Variants in DNAH2 observed in about 807,000 individuals in gnomAD.
DNAH2 encodes dynein axonemal heavy chain 2.
In DNAH2, 323 loss-of-function variants were observed where a neutral mutation model predicts 523.5. The ratio of observed to expected loss-of-function variants is 0.62; its 90% CI spans 0.56 to 0.68. The LOEUF (loss-of-function observed/expected upper bound fraction) is 0.68, where lower values mean the gene tolerates loss of function less well. Among genes scored for constraint, DNAH2 ranks in the 30% least tolerant of loss-of-function variants. DNAH2 has a pLI of 0.00. For synonymous variants in DNAH2, 2,093 were observed against 2,177.4 expected (o/e 0.96, Z 1.08); for missense variants, 4,907 against 5,701.5 (o/e 0.86, Z 4.49).
intron 55 of DNAH2, 76 bp from the exon 56 acceptor site, chr17:7,799,027 C>A (rs551601309): frequency 2.2e-5 from 34 of 1,563,912 alleles, no homozygotes; most frequent in Non-Finnish European, 2.9e-5. Flanking sequence ...ACTTCGTCAG[C>A]CCCACCTGAC....
Position 7,777,563 on chromosome 17 carries a change from C to T in DNAH2, c.5176C>T (p.Leu1726Phe). The T allele has an allele frequency of 6.2e-7, 1 of 1,614,208 alleles. No homozygotes were observed. The highest frequency in any genetic ancestry group is 8.5e-7 in the Non-Finnish European group (1 of 1,180,038). The change falls in exon 33 of 86, where the codon CTT (leucine) becomes TTT (phenylalanine). Residue 1726 changes from leucine to phenylalanine, a missense_variant. Leu to Phe is a conservative substitution (Grantham distance 22, BLOSUM62 0). Transcript: ENST00000572933. ...TCATGCCCGGGATGTGTTGGAGAAG[C>T]TTTACAAGAGTGGCCTCATGGATGT... ...EIHARDVLEK[L>F]YKSGLMDVNS...
chr17:7,810,214 C>G (rs899236090), intron 63 of DNAH2, among the ~76,000 whole-genome samples: 1 of 151,786 alleles, frequency 6.6e-6, no homozygotes, highest in African/African-American at 2.4e-5. Context: ...CAGGCACACT[C>G]CACTATTCCT....
Position 7,832,153 on chromosome 17 carries a change from T to C in DNAH2, c.12726+378T>C, listed in dbSNP as rs1247388765. Among the ~76,000 whole-genome samples, 2 of 152,198 alleles carry C rather than the reference T, an allele frequency of 1.3e-5. No individual in the cohort carries two copies. Among genetic ancestry groups the C allele is most frequent in the Admixed American group, 6.5e-5 (1 of 15,274 alleles). ...TTGGCTTTGGAGAGCTTTGTTCACC[T>C]GTAGTTGGGGAACAGGGGCTGCCAC... On this transcript the variant is annotated intron_variant, in intron 82 of 85. Coordinates refer to ENST00000572933, the MANE Select transcript of DNAH2 (RefSeq NM_020877.5). The surrounding 1 kb of genome is among the most constrained non-coding windows in gnomAD (Gnocchi z 4.3).
chr17:7,754,956 G>C lies in DNAH2; in HGVS notation c.1905-2135G>C. 1.1e-5 allele frequency: 4 copies of C among 377,050 alleles called. No homozygotes were observed. Among genetic ancestry groups the C allele is most frequent in the East Asian group, 8.3e-5 (2 of 24,002 alleles). 23.4% of individuals were successfully genotyped at this position (377,050 alleles called of 1,614,324 possible). A position where few individuals can be genotyped will look rare whatever the true frequency, so the allele number is the denominator to read the frequency against. ...CCTCCTGCGCTATTGGTACAAATAA[G>C]CCTGAGGCAGAAAAAAAAAAAAAAA... is the stretch of plus-strand genomic sequence containing the variant. On this transcript the variant is annotated intron_variant, in intron 12 of 85. Coordinates refer to ENST00000572933, the MANE Select transcript of DNAH2 (RefSeq NM_020877.5). The surrounding 1 kb of genome is among the most constrained non-coding windows in gnomAD (Gnocchi z 4.6).
At chr17:7,727,389 C>T (rs775149311) in intron 4 of DNAH2, 97 bp downstream of exon 4, 61 of 1,476,718 alleles carry the variant, frequency 4.1e-5, no homozygotes, top group African/African-American at 7.3e-5. Flanking sequence ...CTCCTGTGCC[C>T]ACGGCCTATT....
Position 7,752,160 on chromosome 17 carries a change from T to TACACACAC in DNAH2, c.1905-4903_1905-4896dup, listed in dbSNP as rs1555544463. On this transcript the variant is annotated intron_variant, in intron 12 of 85. Transcript: ENST00000572933. Reference sequence around the variant, plus strand: ...CCTGCCTTTTCCCCTTAAGTCATTTTACACACACACACACACACACACACA... The same window carrying TACACACAC: ...CCTGCCTTTTCCCCTTAAGTCATTTTACACACACACACACACACACACACACACACACA... Among the ~76,000 whole-genome samples, 566 of 125,020 alleles carry TACACACAC rather than the reference T, an allele frequency of 4.5e-3. 6 individuals are homozygous for TACACACAC. The highest frequency in any genetic ancestry group is 5.9e-3 in the Non-Finnish European group (362 of 61,430). The allele number at this position is 125,020 out of a possible 152,430, so 82.0% of individuals were successfully genotyped here. A position where few individuals can be genotyped will look rare whatever the true frequency, so the allele number is the denominator to read the frequency against.
intron 63 of DNAH2, among the ~76,000 whole-genome samples, chr17:7,811,297 G>A (rs1383100321): frequency 2.0e-5 from 3 of 152,084 alleles, no homozygotes; most frequent in Non-Finnish European, 4.4e-5. Flanking sequence ...AACCCCTAGG[G>A]AGAAATTAAA....
chr17:7,769,323 T>C (rs1237799315), intron 24 of DNAH2, among the ~76,000 whole-genome samples: 1 of 152,048 alleles, frequency 6.6e-6, no homozygotes, highest in Non-Finnish European at 1.5e-5. Context: ...CACCATGCTC[T>C]GCTAATTTTT....
In DNAH2 at chr17:7,760,124, T is replaced by C. The variant is rs1367340236; in HGVS notation, c.2785+186T>C. 1.3e-5 allele frequency among the ~76,000 whole-genome samples: 2 copies of C among 152,080 alleles called. No individual in the cohort carries two copies. The highest frequency in any genetic ancestry group is 2.9e-5 in the Non-Finnish European group (2 of 68,008). ...GGCTTGTGCCTGTAATCCCAGCACTTTGGGAGGCTGAGGCAGGCAGGTCAT... is the reference window on the plus strand; with the variant it reads ...GGCTTGTGCCTGTAATCCCAGCACTCTGGGAGGCTGAGGCAGGCAGGTCAT... On this transcript the variant is annotated intron_variant, in intron 17 of 85. Coordinates refer to ENST00000572933, the MANE Select transcript of DNAH2 (RefSeq NM_020877.5). The surrounding 1 kb of genome is among the most constrained non-coding windows in gnomAD (Gnocchi z 4.0).
chr17:7,794,180 C>A, intron 48 of DNAH2, 74 bp from the exon 49 acceptor site: 1 of 1,098,276 alleles, frequency 9.1e-7, no homozygotes. Context: ...CACTCCTTTT[C>A]ACCTGGCCTG....
At chr17:7,793,497 T>TC (rs1555562925) in intron 48 of DNAH2, among the ~76,000 whole-genome samples, 1 of 137,768 alleles carries the variant, frequency 7.3e-6, no homozygotes, top group Admixed American at 7.3e-5. Flanking sequence ...CTTTCTTTCT[T>TC]TCTTTCTTTC....
intron 67 of DNAH2, 44 bp from the exon 68 acceptor site, chr17:7,817,902 C>T (rs199846003): frequency 1.1e-5 from 18 of 1,614,006 alleles, no homozygotes; most frequent in Admixed American, 1.7e-5. Flanking sequence ...CCTGAGGCCC[C>T]ACCTCTCCCG....
chr17:7,779,673 C>T (rs757589673), intron 36 of DNAH2, among the ~76,000 whole-genome samples: 3 of 152,166 alleles, frequency 2.0e-5, no homozygotes, highest in Non-Finnish European at 4.4e-5. Flanking sequence ...TTTTAAGATA[C>T]TTAGCTTTCT....
chr17:7,802,277 A>G (rs1029647848), intron 58 of DNAH2, among the ~76,000 whole-genome samples: 1 of 152,236 alleles, frequency 6.6e-6, no homozygotes, highest in East Asian at 1.9e-4. Context: ...TGACCATAAT[A>G]TAACTGGAAC....
chr17:7,765,481 G>A lies in DNAH2; in HGVS notation c.3427G>A (p.Glu1143Lys), dbSNP rs1332432408. 1 of 1,614,120 alleles carries A rather than the reference G, an allele frequency of 6.2e-7. No individual in the cohort carries two copies. The highest frequency in any genetic ancestry group is 8.5e-7 in the Non-Finnish European group (1 of 1,180,054). The change falls in exon 21 of 86, where the codon GAG (glutamate) becomes AAG (lysine). Residue 1143 changes from glutamate (E) to lysine (K), a missense_variant. Glu to Lys is a moderately conservative substitution (Grantham distance 56). This residue lies in a region of DNAH2 where 2,806 missense variants were observed against 3,190.8 expected (regional missense o/e 0.88). Coordinates refer to ENST00000572933, the MANE Select transcript of DNAH2 (RefSeq NM_020877.5). Reference sequence around the variant, plus strand: ...TAAGCAAATGCTGAAGAAACACAAGGAGAAATTCAAGACAGGCCTGATCCA... The same window carrying A: ...TAAGCAAATGCTGAAGAAACACAAGAAGAAATTCAAGACAGGCCTGATCCA... ...DSKQMLKKHK[E>K]KFKTGLIHSA...
In DNAH2 at chr17:7,792,341, A is replaced by G. The variant is rs781699892; in HGVS notation, c.7143A>G (p.Pro2381=). 2 of 1,614,044 alleles carry G rather than the reference A, an allele frequency of 1.2e-6. No homozygotes were observed. The highest frequency in any genetic ancestry group is 2.2e-5 in the East Asian group (1 of 44,876). ...TCCCTAAGAGTTGGCGCTACCCTCCAAAGTAAGAGCTGGGCCTGGGTGTGA... is the reference window on the plus strand; with the variant it reads ...TCCCTAAGAGTTGGCGCTACCCTCCGAAGTAAGAGCTGGGCCTGGGTGTGA... ...DKLPKSWRYP[P]NAPFYKIMVP... The change falls in exon 46 of 86, where the codon CCA becomes CCG. Residue 2381 remains proline (P), a splice_region_variant and synonymous_variant. Coordinates refer to ENST00000572933, the MANE Select transcript of DNAH2 (RefSeq NM_020877.5).
At chr17:7,794,383 G>A (rs2077006957) in intron 49 of DNAH2, 25 bp downstream of exon 49, 11 of 1,586,466 alleles carry the variant, frequency 6.9e-6, no homozygotes, top group African/African-American at 1.4e-5. Flanking sequence ...GGGGCTGCAG[G>A]ACGAGGGGAG....
At position 7,738,868 on chromosome 17, in the gene DNAH2, G is replaced by T. The variant is rs2075220589; in HGVS notation, c.1171-865G>T. The T allele has an allele frequency of 4.4e-6, 3 of 681,518 alleles. No homozygotes were observed. The Admixed American group carries it at 6.1e-5, about 14-fold the overall frequency. The allele number at this position is 681,518 out of a possible 1,614,324, so 42.2% of individuals were successfully genotyped here. ...CCCTGAATGCAGGGCTCCTGGTCTA[G>T]GTTTGCATAGCCAGACTGCTCTTGC... On this transcript the variant is annotated intron_variant, in intron 8 of 85. Coordinates refer to ENST00000572933, the MANE Select transcript of DNAH2 (RefSeq NM_020877.5).
At chr17:7,741,021 T>C (rs1394297455) in intron 11 of DNAH2, 29 bp downstream of exon 11, 1 of 1,575,782 alleles carries the variant, frequency 6.3e-7, no homozygotes, top group Non-Finnish European at 8.7e-7. Context: ...CCATATTCTG[T>C]CGTCAGTGAG....
Sources: allele counts gnomAD v4.1 joint callset (sites outside exome capture counted in the v4.1 genomes callset), GRCh38; gene constraint gnomAD v4.1.1; regional missense constraint gnomAD v4.1.1; non-coding constraint Gnocchi (gnomAD v3.1); transcripts MANE v1.5; gene names NCBI Gene and HGNC (gene_info 2026-07-23, HGNC 2026-07-21).